The following RGS7 variants were observed in gnomAD, a reference collection of about 807,000 sequenced individuals.
RGS7 encodes the protein regulator of G protein signaling 7.
RGS7 carries 27 observed loss-of-function variants against 81.1 expected under a neutral mutation model. The ratio of observed to expected loss-of-function variants is 0.33; its 90% CI spans 0.25 to 0.46. The LOEUF (loss-of-function observed/expected upper bound fraction) is 0.46. Ranked by LOEUF, RGS7 falls within the 20% of genes least tolerant of loss-of-function variation. The pLI is 1.00. For synonymous variants in RGS7, 208 were observed against 207.7 expected (o/e 1.00, Z -0.01); for missense variants, 396 against 607.4 (o/e 0.65, Z 3.66).
At chr1:240,799,659 A>C (rs1172306052) in intron 18 of RGS7, among the ~76,000 whole-genome samples, 2 of 152,158 alleles carry the variant, frequency 1.3e-5, no homozygotes, top group South Asian at 2.1e-4. Flanking sequence ...ATGACGAATA[A>C]TCTTAAAAAA....
intron 2 of RGS7, among the ~76,000 whole-genome samples, chr1:241,296,907 CAATTGAAT>C (rs1188995587): frequency 5.6e-4 from 85 of 151,450 alleles, no homozygotes; most frequent in Middle Eastern, 3.4e-3. Context: ...TTATCAAGTC[CAATTGAAT>C]TTGTTTTAAT....
At chr1:241,338,210 A>G (rs1006773175) in intron 2 of RGS7, among the ~76,000 whole-genome samples, 1 of 152,200 alleles carries the variant, frequency 6.6e-6, no homozygotes, top group African/African-American at 2.4e-5. Flanking sequence ...ATGGTTAAGA[A>G]TGTACAATTT....
At chr1:240,834,916 C>A (rs1352642255) in intron 9 of RGS7, among the ~76,000 whole-genome samples, 1 of 144,518 alleles carries the variant, frequency 6.9e-6, no homozygotes. Context: ...ACCTTACACT[C>A]CACACACACA....
intron 3 of RGS7, among the ~76,000 whole-genome samples, chr1:240,994,292 T>C (rs1686948949): frequency 6.6e-6 from 1 of 152,232 alleles, no homozygotes; most frequent in Admixed American, 6.5e-5. Flanking sequence ...TATACAAGGT[T>C]ATTCTTCATG....
intron 2 of RGS7, among the ~76,000 whole-genome samples, chr1:241,159,486 C>T (rs2069454250): frequency 6.6e-6 from 1 of 151,890 alleles, no homozygotes; most frequent in Non-Finnish European, 1.5e-5. Context: ...TATAGCCCTT[C>T]CTTCCTTCCA....
chr1:240,826,041 A>T (rs1337345486), intron 10 of RGS7, among the ~76,000 whole-genome samples: 1 of 152,176 alleles, frequency 6.6e-6, no homozygotes. Flanking sequence ...CTGCAAAAAT[A>T]GTTCTTGGTG....
At chr1:240,931,868 C>A (rs1675496738) in intron 5 of RGS7, among the ~76,000 whole-genome samples, 1 of 152,176 alleles carries the variant, frequency 6.6e-6, no homozygotes, top group African/African-American at 2.4e-5. Context: ...GCCCTGCTAG[C>A]TGAACATGCT....
chr1:241,071,497 GTT>G (rs5782174), intron 3 of RGS7, among the ~76,000 whole-genome samples: 97,481 of 142,816 alleles, frequency 0.68, 33,169 homozygotes, highest in East Asian at 0.97. Context: ...ATGTTTAAGT[GTT>G]TTTTTTTTTT....
At chr1:241,205,627 A>G (rs1396743064) in intron 2 of RGS7, among the ~76,000 whole-genome samples, 1 of 151,134 alleles carries the variant, frequency 6.6e-6, no homozygotes, top group Non-Finnish European at 1.5e-5. Flanking sequence ...TAATTTTTGT[A>G]TTTTTGTATT....
chr1:240,887,656 G>A (rs1005512456), intron 6 of RGS7, among the ~76,000 whole-genome samples: 4 of 152,090 alleles, frequency 2.6e-5, no homozygotes, highest in Non-Finnish European at 5.9e-5. Context: ...AAACAATATC[G>A]ATTAATTACA....
chr1:240,805,788 T>C (rs928826069), intron 15 of RGS7, among the ~76,000 whole-genome samples: 3 of 152,166 alleles, frequency 2.0e-5, no homozygotes, highest in African/African-American at 7.2e-5. Flanking sequence ...TTTAAATCTT[T>C]TTAAAAAAAT....
At chr1:241,072,063 C>T (rs563031585) in intron 3 of RGS7, among the ~76,000 whole-genome samples, 11 of 152,248 alleles carry the variant, frequency 7.2e-5, no homozygotes, top group African/African-American at 2.2e-4. Flanking sequence ...TGACATCCCT[C>T]ATTACAGACC....
In RGS7 at chr1:240,955,567, A is replaced by C. The variant is rs1172338287; in HGVS notation, c.227-18861T>G. Among the ~76,000 whole-genome samples, 29 of 5,264 alleles carry C rather than the reference A, an allele frequency of 5.5e-3. 10 individuals are homozygous for C. Among genetic ancestry groups the C allele is most frequent in the Non-Finnish European group, 7.4e-3 (12 of 1,628 alleles). 3.5% of individuals were successfully genotyped at this position (5,264 alleles called of 152,430 possible). ...ACTCTGTCTCAAAAAAAAAAAAAAAAAAAAAAAAAAAAAAAACCGATTTGG... is the reference window on the plus strand; with the variant it reads ...ACTCTGTCTCAAAAAAAAAAAAAAACAAAAAAAAAAAAAAAACCGATTTGG... On this transcript the variant is annotated intron_variant, in intron 4 of 18. Transcript: ENST00000440928.
chr1:240,884,326 A>T lies in RGS7; in HGVS notation c.386-14207T>A, dbSNP rs1305979883. On this transcript the variant is annotated intron_variant, in intron 6 of 18. Coordinates refer to ENST00000440928, the MANE Select transcript of RGS7 (RefSeq NM_001364886.1). ...ATTGTGGGTTGATCCATTGACAAAA[A>T]AATGTGACCAGGGGCTTGCAGGAAA... Among the ~76,000 whole-genome samples the T allele has an allele frequency of 2.0e-5, 3 of 152,308 alleles. No homozygotes were observed. In the East Asian group the frequency reaches 5.8e-4, roughly 29 times the overall value.
At chr1:240,785,690 G>A (rs540808978) in intron 18 of RGS7, among the ~76,000 whole-genome samples, 1 of 152,236 alleles carries the variant, frequency 6.6e-6, no homozygotes, top group East Asian at 1.9e-4. Context: ...GGGGTCACTG[G>A]TCACACCCTA....
At chr1:241,147,397 T>C (rs2068385862) in intron 2 of RGS7, among the ~76,000 whole-genome samples, 1 of 152,212 alleles carries the variant, frequency 6.6e-6, no homozygotes, top group African/African-American at 2.4e-5. Flanking sequence ...TTTGCTGTGA[T>C]TAGCAAACCT....
chr1:241,259,576 G>A (rs755663725), intron 2 of RGS7, among the ~76,000 whole-genome samples: 9 of 148,120 alleles, frequency 6.1e-5, no homozygotes, highest in Non-Finnish European at 1.0e-4. Flanking sequence ...CTAGAACCTG[G>A]GAGATGGAGA....
At position 241,286,626 on chromosome 1, in the gene RGS7, C is replaced by A. The variant is rs562273292; in HGVS notation, c.78+69073G>T. Reference sequence around the variant, plus strand: ...GAATCAGTCTGATTCAACCTCGGAACTCCTCCTTCTCCTTTCCATTTGGCC... The same window carrying A: ...GAATCAGTCTGATTCAACCTCGGAAATCCTCCTTCTCCTTTCCATTTGGCC... On this transcript the variant is annotated intron_variant, in intron 2 of 18. Transcript: ENST00000440928. Among the ~76,000 whole-genome samples, 3 of 152,300 alleles carry A rather than the reference C, an allele frequency of 2.0e-5. No homozygotes were observed. The South Asian group carries it at 6.2e-4, about 32-fold the overall frequency.
intron 2 of RGS7, among the ~76,000 whole-genome samples, chr1:241,182,258 G>A (rs1172226973): frequency 6.6e-6 from 1 of 152,112 alleles, no homozygotes; most frequent in African/African-American, 2.4e-5. Context: ...TTCTGGCCCA[G>A]CCCATCTTGT....
Sources: gnomAD v4.1 joint callset for allele counts (sites outside exome capture counted in the v4.1 genomes callset) on GRCh38, gnomAD v4.1.1 for gene constraint, MANE v1.5 for transcripts, NCBI Gene and HGNC (gene_info 2026-07-23, HGNC 2026-07-21) for gene names.